Variants in STAG2 observed in about 807,000 individuals in gnomAD.
The protein encoded by STAG2 is cohesin subunit SA-2.
In STAG2, 14 loss-of-function variants were observed where a neutral mutation model predicts 108.1. The observed-to-expected ratio is 0.13, with a 90% CI of 0.09 to 0.20. The LOEUF (loss-of-function observed/expected upper bound fraction) is 0.20. Ranked by LOEUF, STAG2 falls within the 10% of genes least tolerant of loss-of-function variation. The probability of loss-of-function intolerance (pLI) is 1.00; values close to 1 mark genes in which losing one functional copy is unlikely to be tolerated. For synonymous variants in STAG2, 307 were observed against 302.7 expected, an observed-to-expected ratio of 1.01 and a Z score of -0.15; for missense variants, 440 against 940.9, an observed-to-expected ratio of 0.47 and a Z score of 6.96.
chrX:124,016,412 C>A (rs929142502), intron 1 of STAG2, among the ~76,000 whole-genome samples: 2 of 111,985 alleles, frequency 1.8e-5, no homozygotes, highest in Non-Finnish European at 3.8e-5. Flanking sequence ...AAATTACCCA[C>A]CTTGATTTGT....
At chrX:124,085,002 G>GCA (rs1187930731) in intron 29 of STAG2, among the ~76,000 whole-genome samples, 3 of 111,817 alleles carry the variant, frequency 2.7e-5, no homozygotes, top group Non-Finnish European at 5.6e-5. Flanking sequence ...CTGAATACAT[G>GCA]CACAAGGAGA....
At chrX:124,015,148 C>T (rs747861809) in intron 1 of STAG2, among the ~76,000 whole-genome samples, 33 of 105,935 alleles carry the variant, frequency 3.1e-4, no homozygotes, top group Non-Finnish European at 4.3e-4. Context: ...CCACCAAGTC[C>T]GGCTAATTTT....
intron 11 of STAG2, among the ~76,000 whole-genome samples, chrX:124,050,852 A>G (rs1397987170): frequency 3.6e-5 from 4 of 111,558 alleles, no homozygotes; most frequent in Non-Finnish European, 1.9e-5. Context: ...ACATGCTTCT[A>G]TTGTTTTTCA....
intron 1 of STAG2, among the ~76,000 whole-genome samples, chrX:124,020,113 CT>C (rs1260845678): frequency 3.5e-4 from 39 of 112,504 alleles, no homozygotes; most frequent in African/African-American, 1.1e-3. Flanking sequence ...ATGCTTCTTT[CT>C]TTTACAGTAG....
intron 17 of STAG2, among the ~76,000 whole-genome samples, chrX:124,062,463 A>C (rs1603081822): frequency 1.8e-5 from 2 of 112,380 alleles, no homozygotes; most frequent in African/African-American, 3.2e-5. Flanking sequence ...GTTTTTTAAA[A>C]ATTTCTGTTT....
intron 1 of STAG2, among the ~76,000 whole-genome samples, chrX:124,011,331 ACTT>A (rs1250202533): frequency 9.0e-6 from 1 of 111,388 alleles, no homozygotes; most frequent in Non-Finnish European, 1.9e-5. Context: ...AGATAATTTT[ACTT>A]CTTTCTTTCT....
At position 124,086,679 on chromosome X, in the gene STAG2, A is replaced by G; in HGVS notation, c.3186A>G (p.Gly1062=). Residue 1062 remains glycine, a synonymous_variant, in exon 30 of 35, where the codon GGA becomes GGG. Transcript: ENST00000371145. The stretch of plus-strand genomic sequence containing the variant: ...ATGACACCATGTCAGTCATTAGTGG[A>G]ATCAGCAGCCGGGGGTCAACAGTAC... The part of the protein sequence containing the change: ...GDDDTMSVIS[G]ISSRGSTVRS... 8.3e-7 allele frequency: 1 copy of G among 1,211,589 alleles called. No homozygotes were observed. Among genetic ancestry groups the G allele is most frequent in the Non-Finnish European group, 1.1e-6 (1 of 895,404 alleles).
Position 124,100,877 on chromosome X carries a change from T to A in STAG2, c.*280T>A. The A allele has an allele frequency of 4.7e-6, 1 of 211,501 alleles. No homozygotes were observed. The highest frequency in any genetic ancestry group is 8.5e-6 in the Non-Finnish European group (1 of 117,919). The allele number at this position is 211,501 out of a possible 1,213,427, so 17.4% of individuals were successfully genotyped here. On this transcript the variant is annotated 3_prime_UTR_variant, in exon 35 of 35. Transcript: ENST00000371145. ...GCTTTTGAATCGATTATTTCATGCTTTTTTTTAAAAAAAAAAAAAAACAAA... is the reference window on the plus strand; with the variant it reads ...GCTTTTGAATCGATTATTTCATGCTATTTTTTAAAAAAAAAAAAAAACAAA...
chrX:124,073,911 C>T (rs1003048967), intron 25 of STAG2, among the ~76,000 whole-genome samples: 26 of 111,761 alleles, frequency 2.3e-4, no homozygotes, highest in African/African-American at 6.8e-4. Flanking sequence ...CCATTATCCT[C>T]CCATTTTCCC....
chrX:124,064,445 T>G (rs2058463712), intron 20 of STAG2, among the ~76,000 whole-genome samples: 3 of 93,860 alleles, frequency 3.2e-5, no homozygotes, highest in African/African-American at 1.2e-4. Flanking sequence ...GGACATTATG[T>G]TTTTTTTTTT....
intron 34 of STAG2, among the ~76,000 whole-genome samples, chrX:124,098,782 C>T (rs1459091680): frequency 2.7e-5 from 3 of 111,141 alleles, no homozygotes; most frequent in East Asian, 5.6e-4. Flanking sequence ...GTAAAAATAT[C>T]TTTTTAAACA....
At chrX:124,017,401 G>A (rs1297255031) in intron 1 of STAG2, among the ~76,000 whole-genome samples, 4 of 110,202 alleles carry the variant, frequency 3.6e-5, no homozygotes, top group Admixed American at 1.9e-4. Context: ...TTTTAGAGAC[G>A]AGGTTTCATC....
intron 1 of STAG2, among the ~76,000 whole-genome samples, chrX:124,014,407 C>A (rs2056629313): frequency 9.0e-6 from 1 of 110,583 alleles, no homozygotes; most frequent in Non-Finnish European, 1.9e-5. Context: ...GTTGCCCAGG[C>A]TGGAGTGCAG....
intron 13 of STAG2, among the ~76,000 whole-genome samples, chrX:124,054,325 T>G (rs944698878): frequency 2.7e-5 from 3 of 112,252 alleles, no homozygotes; most frequent in African/African-American, 9.7e-5. Context: ...GTAGTGGCTA[T>G]TCCCATTTCT....
rs745705504 is a variant in STAG2 at position 124,063,041 on chromosome X, T to G, written c.1731+47T>G. ...AGTGTTACTAAGAAATGAGTTTTTT[T>G]TCCCTAAATGCCTCACAGAATATTA... is the stretch of plus-strand genomic sequence containing the variant. On this transcript the variant is annotated intron_variant, in intron 18 of 34. Coordinates refer to ENST00000371145, the MANE Select transcript of STAG2 (RefSeq NM_001042750.2). 20 of 1,168,770 alleles carry G rather than the reference T, an allele frequency of 1.7e-5. No homozygotes were observed. The African/African-American group carries it at 3.4e-4, about 20-fold the overall frequency.
chrX:124,006,294 T>G (rs923051467), intron 1 of STAG2, among the ~76,000 whole-genome samples: 3 of 111,476 alleles, frequency 2.7e-5, no homozygotes, highest in Admixed American at 9.6e-5. Flanking sequence ...GGTGTAAGGT[T>G]ACTGGTGGTT....
At chrX:124,058,982 TC>T (rs2058299887) in intron 15 of STAG2, among the ~76,000 whole-genome samples, 2 of 111,973 alleles carry the variant, frequency 1.8e-5, no homozygotes, top group African/African-American at 6.5e-5. Context: ...ATTTTTTTTT[TC>T]ATTTGTTTTC....
intron 1 of STAG2, among the ~76,000 whole-genome samples, chrX:124,019,052 CTT>C (rs751161706): frequency 5.0e-5 from 4 of 79,897 alleles, no homozygotes; most frequent in Non-Finnish European, 4.6e-5. Flanking sequence ...ATTTAGCACT[CTT>C]TTTTTTTTTT....
intron 4 of STAG2, among the ~76,000 whole-genome samples, chrX:124,029,380 G>A (rs1383531569): frequency 9.2e-6 from 1 of 108,151 alleles, no homozygotes; most frequent in South Asian, 4.0e-4. Context: ...GTGTGATCTC[G>A]GCTCACTGCA....
Sources: allele counts gnomAD v4.1 joint callset (sites outside exome capture counted in the v4.1 genomes callset), GRCh38; gene constraint gnomAD v4.1.1; transcripts MANE v1.5; gene names NCBI Gene and HGNC (gene_info 2026-07-23, HGNC 2026-07-21).